Variants in POSTN observed in about 807,000 individuals in gnomAD.
The protein encoded by POSTN is periostin, also known as osteoblast specific factor 2 (fasciclin I-like).
In POSTN, 71 loss-of-function variants were observed where a neutral mutation model predicts 104.5. That is an observed-to-expected ratio of 0.68 (90% CI 0.56 to 0.83). The LOEUF is 0.83. Ranked by LOEUF, POSTN falls within the 40% of genes least tolerant of loss-of-function variation. The probability of loss-of-function intolerance (pLI) is 0.00; values close to 1 mark genes in which losing one functional copy is unlikely to be tolerated. For synonymous variants in POSTN, 355 were observed against 340.7 expected (o/e 1.04, Z -0.46); for missense variants, 949 against 1,006.8 (o/e 0.94, Z 0.78).
Position 37,582,492 on chromosome 13 carries a change from C to T in POSTN, c.1266G>A (p.Gln422=). ...TCTGCAGAATTAATTTAAGGAGGCG[C>T]TGATCCATGCTGAGAGTATCATCTG... The part of the protein sequence containing the change: ...AFSDDTLSMD[Q]RLLKLILQNH... The change falls in exon 10 of 23, where the codon CAG becomes CAA. Residue 422 remains glutamine, a synonymous_variant. Coordinates refer to ENST00000379747, the MANE Select transcript of POSTN (RefSeq NM_006475.3). 1 of 1,610,144 alleles carries T rather than the reference C, an allele frequency of 6.2e-7. No individual in the cohort carries two copies. Among genetic ancestry groups the T allele is most frequent in the Non-Finnish European group, 8.5e-7 (1 of 1,178,622 alleles).
In POSTN at chr13:37,574,560, A is replaced by C. The variant is rs202148360; in HGVS notation, c.2089+12T>G. The C allele has an allele frequency of 4.2e-4, 674 of 1,587,220 alleles. 3 individuals carry two copies. Among genetic ancestry groups the C allele is most frequent in the Admixed American group, 6.1e-4 (33 of 53,714 alleles). ...TACTATAAAAGGAACCATGTATAACATTGATTTTTACCTTCAGTTTTGATA... is the reference window on the plus strand; with the variant it reads ...TACTATAAAAGGAACCATGTATAACCTTGATTTTTACCTTCAGTTTTGATA... On this transcript the variant is annotated intron_variant, in intron 17 of 22. Coordinates refer to ENST00000379747, the MANE Select transcript of POSTN (RefSeq NM_006475.3).
chr13:37,597,650 G>A (rs1951122680), intron 1 of POSTN, among the ~76,000 whole-genome samples: 1 of 152,090 alleles, frequency 6.6e-6, no homozygotes. Context: ...TGCTCATTTG[G>A]AGGATGGCCA....
chr13:37,576,081 G>A (rs960968913), intron 16 of POSTN, among the ~76,000 whole-genome samples: 9 of 152,124 alleles, frequency 5.9e-5, no homozygotes, highest in Non-Finnish European at 8.8e-5. Flanking sequence ...GACAGGTGAA[G>A]CTCTGAGGAT....
Position 37,579,003 on chromosome 13 carries a change from T to C in POSTN, c.1894+16A>G, listed in dbSNP as rs1950500464. On this transcript the variant is annotated intron_variant, in intron 14 of 22. Coordinates refer to ENST00000379747, the MANE Select transcript of POSTN (RefSeq NM_006475.3). ...AAAAAAGACTTAGCCTATCAATGAG[T>C]TCAATAATTACAAACCTGCTGGATA... 1.2e-6 allele frequency: 2 copies of C among 1,610,022 alleles called. No homozygotes were observed. Among genetic ancestry groups the C allele is most frequent in the South Asian group, 1.1e-5 (1 of 90,464 alleles).
At chr13:37,593,440 A>G (rs1235641703) in intron 2 of POSTN, among the ~76,000 whole-genome samples, 2 of 151,502 alleles carry the variant, frequency 1.3e-5, no homozygotes, top group East Asian at 1.9e-4. Context: ...TTTCAAAAGA[A>G]ATATAAAGGT....
intron 21 of POSTN, chr13:37,565,245 AG>A (rs1950059931): frequency 6.6e-6 from 1 of 151,988 alleles, no homozygotes; most frequent in Non-Finnish European, 1.5e-5. Flanking sequence ...GTGTTGTTAT[AG>A]TTGTAACATA....
chr13:37,597,989 A>G (rs1453116553), intron 1 of POSTN, among the ~76,000 whole-genome samples: 2 of 152,180 alleles, frequency 1.3e-5, no homozygotes, highest in Non-Finnish European at 2.9e-5. Context: ...GATCCGCTTA[A>G]AAAATTATAA....
chr13:37,590,270 GA>G (rs2138359208), intron 4 of POSTN, 101 bp downstream of exon 4: 1 of 939,238 alleles, frequency 1.1e-6, no homozygotes, highest in African/African-American at 1.7e-5. Flanking sequence ...ATGTACAATA[GA>G]AAGATATAAA....
chr13:37,583,395 G>A (rs1429838991), intron 9 of POSTN, among the ~76,000 whole-genome samples: 1 of 150,366 alleles, frequency 6.7e-6, no homozygotes, highest in African/African-American at 2.4e-5. Flanking sequence ...TATTGTGCTG[G>A]AAATATTAGA....
chr13:37,574,650 T>C lies in POSTN; in HGVS notation c.2011A>G (p.Thr671Ala). ...TCCACAACTTTGGTTATAATTTTAGTTGCTGAAAGTATAGAAAGTGGAACA... is the reference window on the plus strand; with the variant it reads ...TCCACAACTTTGGTTATAATTTTAGCTGCTGAAAGTATAGAAAGTGGAACA... ...FKEIPVTVYT[T>A]KIITKVVEPK... Residue 671 changes from threonine to alanine, a missense_variant and splice_region_variant, in exon 17 of 23, where the codon ACT becomes GCT. Transcript: ENST00000379747. 6.3e-7 allele frequency: 1 copy of C among 1,595,088 alleles called. No individual in the cohort carries two copies. The highest frequency in any genetic ancestry group is 8.5e-7 in the Non-Finnish European group (1 of 1,173,704).
chr13:37,580,823 G>A, intron 10 of POSTN, 126 bp from the exon 11 acceptor site: 5 of 1,037,130 alleles, frequency 4.8e-6, no homozygotes, highest in Non-Finnish European at 7.1e-6. Flanking sequence ...TGAGGCCACG[G>A]GAACAGCTTC....
Position 37,578,730 on chromosome 13 carries a change from C to T in POSTN, c.1962+114G>A, listed in dbSNP as rs192447492. 651 of 846,938 alleles carry T rather than the reference C, an allele frequency of 7.7e-4. 6 individuals are homozygous for T. In the African/African-American group the frequency reaches 0.012, roughly 15 times the overall value. 52.5% of individuals were successfully genotyped at this position (846,938 alleles called of 1,614,324 possible). On this transcript the variant is annotated intron_variant, in intron 15 of 22. Transcript: ENST00000379747. ...AGGAGAATGGAGTGAACATGGGAGG[C>T]GGAGCTTGCAGTGAGCTGAGATCAT...
chr13:37,588,624 A>G (rs1950830746), intron 4 of POSTN, among the ~76,000 whole-genome samples: 1 of 152,170 alleles, frequency 6.6e-6, no homozygotes, highest in African/African-American at 2.4e-5. Context: ...AGTAGTTTGG[A>G]GATAGACCAT....
chr13:37,566,669 G>A (rs1461412357), intron 21 of POSTN, among the ~76,000 whole-genome samples: 1 of 152,122 alleles, frequency 6.6e-6, no homozygotes, highest in African/African-American at 2.4e-5. Flanking sequence ...TCTTATGTTG[G>A]CAGATTTGCG....
intron 2 of POSTN, among the ~76,000 whole-genome samples, chr13:37,594,483 A>G (rs2138398043): frequency 6.6e-6 from 1 of 150,886 alleles, no homozygotes; most frequent in East Asian, 1.9e-4. Flanking sequence ...TATGCTACCC[A>G]AAACTCAATG....
chr13:37,579,422 C>A (rs779414961), intron 12 of POSTN, 63 bp from the exon 13 acceptor site: 44 of 1,282,266 alleles, frequency 3.4e-5, no homozygotes, highest in Middle Eastern at 2.6e-4. Flanking sequence ...GACTAAGAAA[C>A]AAAACACTTA....
rs1949982587 is a variant in POSTN at position 37,563,161 on chromosome 13, CTCA to C, written c.*169_*171del. The stretch of plus-strand genomic sequence containing the variant: ...ACAGGAGGCTAACTCCACAATTTCC[CTCA>C]TGTTTCTCATTCAGAAAAAAAAATA... On this transcript the variant is annotated 3_prime_UTR_variant, in exon 23 of 23. Transcript: ENST00000379747. The C allele has an allele frequency of 2.6e-6, 1 of 380,744 alleles. No individual in the cohort carries two copies. Among genetic ancestry groups the C allele is most frequent in the Non-Finnish European group, 4.7e-6 (1 of 213,736 alleles). 23.6% of individuals were successfully genotyped at this position (380,744 alleles called of 1,614,324 possible). A position where few individuals can be genotyped will look rare whatever the true frequency, so the allele number is the denominator to read the frequency against.
Position 37,564,458 on chromosome 13 carries a change from G to A in POSTN, c.2473+61C>T, listed in dbSNP as rs1030318282. The A allele has an allele frequency of 8.0e-6, 7 of 879,052 alleles. No individual in the cohort carries two copies. In the South Asian group the frequency reaches 1.3e-4, roughly 16 times the overall value. 54.5% of individuals were successfully genotyped at this position (879,052 alleles called of 1,614,324 possible). On this transcript the variant is annotated intron_variant, in intron 22 of 22. Coordinates refer to ENST00000379747, the MANE Select transcript of POSTN (RefSeq NM_006475.3). The stretch of plus-strand genomic sequence containing the variant: ...TACTTTAAAATCTTTCCTATTGTTT[G>A]ATTTCTCTTCATGTAACAAAAGAGG...
chr13:37,571,075 G>A, intron 18 of POSTN: 1 of 321,330 alleles, frequency 3.1e-6, no homozygotes, highest in Non-Finnish European at 5.7e-6. Flanking sequence ...CTTTTATACT[G>A]ACATTAATGT....
Sources: allele counts gnomAD v4.1 joint callset (sites outside exome capture counted in the v4.1 genomes callset), GRCh38; gene constraint gnomAD v4.1.1; transcripts MANE v1.5; gene names NCBI Gene and HGNC (gene_info 2026-07-23, HGNC 2026-07-21).